Variants in SORCS1 observed in about 807,000 individuals in gnomAD.
The protein encoded by SORCS1 is VPS10 domain-containing receptor SorCS1.
Under a neutral mutation model 146.1 loss-of-function variants are expected in SORCS1, and 60 were observed. The observed-to-expected ratio is 0.41, with a 90% CI of 0.33 to 0.51. SORCS1 has a LOEUF of 0.51. Ranked by LOEUF, SORCS1 falls within the 20% of genes least tolerant of loss-of-function variation. The pLI, the probability that SORCS1 is intolerant of heterozygous loss-of-function variation, is 0.21. For synonymous variants in SORCS1, 637 were observed against 584.0 expected (o/e 1.09, Z -1.31); for missense variants, 1,352 against 1,487.6 (o/e 0.91, Z 1.50).
chr10:107,105,532 GC>G, intron 1 of SORCS1, among the ~76,000 whole-genome samples: 1 of 152,174 alleles, frequency 6.6e-6, no homozygotes, highest in East Asian at 1.9e-4. Context: ...AGGCCCGAGT[GC>G]CCCTGGCAAA....
At chr10:106,931,231 C>CT (rs745313532) in intron 2 of SORCS1, among the ~76,000 whole-genome samples, 2 of 152,166 alleles carry the variant, frequency 1.3e-5, no homozygotes, top group Non-Finnish European at 2.9e-5. Context: ...TCCAGAAATA[C>CT]TTTTTTGGCT....
intron 3 of SORCS1, among the ~76,000 whole-genome samples, chr10:106,802,077 T>C (rs537400186): frequency 1.1e-4 from 17 of 152,356 alleles, no homozygotes; most frequent in African/African-American, 4.1e-4. Flanking sequence ...TCTAAGCCAC[T>C]GCTTTATATT....
intron 1 of SORCS1, among the ~76,000 whole-genome samples, chr10:106,967,490 A>G (rs551156965): frequency 6.6e-6 from 1 of 152,322 alleles, no homozygotes; most frequent in South Asian, 2.1e-4. Context: ...ATGCATATTC[A>G]AGACAAGATC....
chr10:106,874,477 C>A (rs764809061), intron 2 of SORCS1, among the ~76,000 whole-genome samples: 26 of 152,170 alleles, frequency 1.7e-4, no homozygotes, highest in Non-Finnish European at 3.2e-4. Flanking sequence ...CTCAATAAAA[C>A]AAGCAAGGAT....
chr10:107,021,916 A>C (rs1283715823), intron 1 of SORCS1, among the ~76,000 whole-genome samples: 1 of 152,196 alleles, frequency 6.6e-6, no homozygotes, highest in Non-Finnish European at 1.5e-5. Flanking sequence ...ATTTTTAAAT[A>C]AGATGTAGTG....
intron 2 of SORCS1, among the ~76,000 whole-genome samples, chr10:106,877,863 A>G (rs890373716): frequency 1.3e-5 from 2 of 152,178 alleles, no homozygotes; most frequent in African/African-American, 2.4e-5. Context: ...AATACCTGGC[A>G]GGGTATTCTT....
chr10:107,132,118 A>C (rs1013695146), intron 1 of SORCS1, among the ~76,000 whole-genome samples: 2 of 152,172 alleles, frequency 1.3e-5, no homozygotes, highest in South Asian at 4.2e-4. Flanking sequence ...AATACAGGTC[A>C]ATTTCTCTCT....
At chr10:107,172,818 A>C in the SORCS1 span, among the ~76,000 whole-genome samples, 2 of 152,222 alleles carry the variant, frequency 1.3e-5, no homozygotes, top group Admixed American at 6.5e-5. Context: ...ATGGCAATTT[A>C]AGGCAAAACA....
chr10:106,987,757 C>G (rs1466061234), intron 1 of SORCS1, among the ~76,000 whole-genome samples: 1 of 152,186 alleles, frequency 6.6e-6, no homozygotes, highest in African/African-American at 2.4e-5. Flanking sequence ...TGGTAATAAG[C>G]TGTTCCACTA....
chr10:106,726,790 G>A (rs1293949712), intron 6 of SORCS1, among the ~76,000 whole-genome samples: 1 of 152,134 alleles, frequency 6.6e-6, no homozygotes, highest in African/African-American at 2.4e-5. Flanking sequence ...GAGCTTGTTA[G>A]AAATGCAGAC....
intron 8 of SORCS1, among the ~76,000 whole-genome samples, chr10:106,704,878 TC>T (rs2135791264): frequency 6.6e-6 from 1 of 152,150 alleles, no homozygotes; most frequent in African/African-American, 2.4e-5. Flanking sequence ...TATTAGTCAA[TC>T]AAAGAAACAA....
chr10:107,006,567 C>G (rs537241782), intron 1 of SORCS1, among the ~76,000 whole-genome samples: 1 of 152,164 alleles, frequency 6.6e-6, no homozygotes, highest in Non-Finnish European at 1.5e-5. Flanking sequence ...CCTGTAATCC[C>G]AGCACTTTGG....
At chr10:107,009,471 G>C (rs1240679913) in intron 1 of SORCS1, among the ~76,000 whole-genome samples, 1 of 152,182 alleles carries the variant, frequency 6.6e-6, no homozygotes, top group Non-Finnish European at 1.5e-5. Flanking sequence ...ATTGAGAAGA[G>C]AAATCACTAC....
chr10:106,673,015 A>G, intron 14 of SORCS1, 30 bp from the exon 15 acceptor site: 1 of 1,546,938 alleles, frequency 6.5e-7, no homozygotes, highest in Non-Finnish European at 8.9e-7. Flanking sequence ...AAAAATAATT[A>G]CAATGATAAC....
intron 24 of SORCS1, among the ~76,000 whole-genome samples, chr10:106,586,737 C>T (rs983155870): frequency 1.3e-5 from 2 of 152,168 alleles, no homozygotes; most frequent in African/African-American, 4.8e-5. Flanking sequence ...GGGTGAATCT[C>T]CTGAGGCCAA....
chr10:107,051,566 T>C (rs2134052798), intron 1 of SORCS1, among the ~76,000 whole-genome samples: 1 of 152,300 alleles, frequency 6.6e-6, no homozygotes, highest in Middle Eastern at 3.4e-3. Context: ...GTATTTACTA[T>C]ATTAACTCAG....
In SORCS1 at chr10:106,754,708, T is replaced by C. The variant is rs117136561; in HGVS notation, c.959+6880A>G. Among the ~76,000 whole-genome samples, 396 of 152,302 alleles carry C rather than the reference T, an allele frequency of 2.6e-3. 1 individual carries two copies. The highest frequency in any genetic ancestry group is 3.0e-3 in the Non-Finnish European group (204 of 68,028). ...TATACATGCTGAAATGCACTGAGTA[T>C]AGCATAAGGATAAACATTTATCCTT... On this transcript the variant is annotated intron_variant, in intron 5 of 25. Transcript: ENST00000263054.
At position 106,903,597 on chromosome 10, in the gene SORCS1, C is replaced by A. The variant is rs377459124; in HGVS notation, c.626+52916G>T. Among the ~76,000 whole-genome samples the A allele has an allele frequency of 5.3e-5, 8 of 152,148 alleles. No homozygotes were observed. In the East Asian group the frequency reaches 7.7e-4, roughly 15 times the overall value. ...TTTGTTTTGGAAGATCAAACTGACT[C>A]AGCAGGACTTTTTCAGAGAAAAGAA... On this transcript the variant is annotated intron_variant, in intron 2 of 25. Transcript: ENST00000263054.
Position 107,045,860 on chromosome 10 carries a change from T to TC in SORCS1, c.559-89281_559-89280insG, listed in dbSNP as rs906705121. Reference sequence around the variant, plus strand: ...ATACAGTGGCATAACAACAGTGTACTACAACTTTGAACGCCTGAGCTCAAG... The same window carrying TC: ...ATACAGTGGCATAACAACAGTGTACTCACAACTTTGAACGCCTGAGCTCAAG... On this transcript the variant is annotated intron_variant, in intron 1 of 25. Transcript: ENST00000263054. 9.3e-5 allele frequency among the ~76,000 whole-genome samples: 14 copies of TC among 150,788 alleles called. 1 individual carries two copies. Among genetic ancestry groups the TC allele is most frequent in the African/African-American group, 3.4e-4 (14 of 41,204 alleles).
Sources: gnomAD v4.1 joint callset for allele counts (sites outside exome capture counted in the v4.1 genomes callset) on GRCh38, gnomAD v4.1.1 for gene constraint, MANE v1.5 for transcripts, NCBI Gene and HGNC (gene_info 2026-07-23, HGNC 2026-07-21) for gene names.